The following PLBD2 variants were observed in gnomAD, a reference collection of about 807,000 sequenced individuals.
The protein encoded by PLBD2 is phospholipase B domain containing 2.
In PLBD2, 51 loss-of-function variants were observed where a neutral mutation model predicts 68.3. That is an observed-to-expected ratio of 0.75 (90% CI 0.60 to 0.94). The LOEUF is 0.94. Ranked by LOEUF, PLBD2 falls within the 40% of genes least tolerant of loss-of-function variation. PLBD2 has a pLI of 0.00. For missense variants in PLBD2, 729 were observed against 792.2 expected (o/e 0.92, Z 0.96); for synonymous variants, 314 against 339.3 (o/e 0.93, Z 0.82).
At chr12:113,380,657 C>A in intron 5 of PLBD2, 88 bp from the exon 6 acceptor site, 3 of 1,059,896 alleles carry the variant, frequency 2.8e-6, no homozygotes, top group Non-Finnish European at 4.2e-6. Context: ...CTGCCTGTGC[C>A]CCTGTGCCTG....
chr12:113,363,427 T>A (rs1404642144), intron 1 of PLBD2, among the ~76,000 whole-genome samples: 4 of 151,504 alleles, frequency 2.6e-5, no homozygotes, highest in African/African-American at 7.3e-5. Context: ...TGAGACCCTA[T>A]CTCAAACAAA....
chr12:113,362,479 C>T (rs1398466378), intron 1 of PLBD2, among the ~76,000 whole-genome samples: 1 of 151,752 alleles, frequency 6.6e-6, no homozygotes, highest in Admixed American at 6.6e-5. Flanking sequence ...TATCAGTGGT[C>T]TGACTTTTTC....
chr12:113,387,945 G>A (rs1957569466), intron 11 of PLBD2, 39 bp downstream of exon 11: 1 of 1,604,142 alleles, frequency 6.2e-7, no homozygotes, highest in African/African-American at 1.3e-5. Context: ...GTGGGTGGGG[G>A]AAGTCACCAT....
At chr12:113,386,857 C>A in intron 9 of PLBD2, 80 bp from the exon 10 acceptor site, 1 of 1,532,840 alleles carries the variant, frequency 6.5e-7, no homozygotes, top group Non-Finnish European at 8.8e-7. Context: ...CCTGGTGTGA[C>A]TGCCCCTCCC....
intron 11 of PLBD2, 65 bp from the exon 12 acceptor site, chr12:113,388,394 G>A (rs1957574708): frequency 3.5e-6 from 5 of 1,439,252 alleles, no homozygotes; most frequent in Non-Finnish European, 4.6e-6. Context: ...CAGGGTGGGA[G>A]GCTGGGTGCC....
intron 3 of PLBD2, among the ~76,000 whole-genome samples, chr12:113,373,163 AAG>A (rs1320099242): frequency 6.6e-6 from 1 of 152,238 alleles, no homozygotes; most frequent in African/African-American, 2.4e-5. Flanking sequence ...CAGTATGAGA[AAG>A]AGGGGAAGGG....
rs1022773041 is a variant in PLBD2, at chr12:113,372,840, G to T, written c.543+33G>T. 2 of 1,599,678 alleles carry T rather than the reference G, an allele frequency of 1.3e-6. No homozygotes were observed. Among genetic ancestry groups the T allele is most frequent in the Admixed American group, 1.7e-5 (1 of 59,626 alleles). ...CTGCTGCCACGCTTGGTGGGAGGGG[G>T]CTTCCAGCTGGCCAGCCATCCTGTC... On this transcript the variant is annotated intron_variant, in intron 3 of 11. Coordinates refer to ENST00000280800, the MANE Select transcript of PLBD2 (RefSeq NM_173542.4). This position sits in a 1 kb window ranked among gnomAD's most constrained non-coding sequence, Gnocchi z 4.2.
At chr12:113,385,334 A>C (rs1285380242) in intron 9 of PLBD2, 51 bp downstream of exon 9, 30 of 1,514,690 alleles carry the variant, frequency 2.0e-5, no homozygotes, top group Non-Finnish European at 2.7e-5. Context: ...CATCCACCTC[A>C]CTCCTTGCCC....
rs1957608496 is a variant in PLBD2, at chr12:113,391,245, C to T, written c.*2619C>T. Reference sequence around the variant, plus strand: ...GCTTGGAGAGAGGAAAGCACACAGCCCTGGAGTCAGAGACCTGGGTTTCAA... The same window carrying T: ...GCTTGGAGAGAGGAAAGCACACAGCTCTGGAGTCAGAGACCTGGGTTTCAA... On this transcript the variant is annotated 3_prime_UTR_variant, in exon 12 of 12. Coordinates refer to ENST00000280800, the MANE Select transcript of PLBD2 (RefSeq NM_173542.4). 1 of 152,148 alleles carries T rather than the reference C, an allele frequency of 6.6e-6. No homozygotes were observed. The highest frequency in any genetic ancestry group is 2.1e-4 in the South Asian group (1 of 4,828). The allele number at this position is 152,148 out of a possible 1,614,324, so 9.4% of individuals were successfully genotyped here. A position where few individuals can be genotyped will look rare whatever the true frequency, so the allele number is the denominator to read the frequency against.
chr12:113,374,054 T>C (rs1957414551), intron 3 of PLBD2, among the ~76,000 whole-genome samples: 1 of 152,092 alleles, frequency 6.6e-6, no homozygotes, highest in African/African-American at 2.4e-5. Context: ...GATGATACTT[T>C]ATGGCTATAG....
rs1458882582 is a variant in PLBD2, at chr12:113,384,186, G to C, written c.1039G>C (p.Val347Leu). The change falls in exon 7 of 12, where the codon GTA becomes CTA. Residue 347 changes from valine (V) to leucine (L), a missense_variant. By Grantham distance (32) the Val-to-Leu change is conservative. Transcript: ENST00000280800. The surrounding 1 kb of genome is among the most constrained non-coding windows in gnomAD (Gnocchi z 4.2). ...GCCCAGGGGCTGTGTGCTGGAGTGG[G>C]TACGCAACATCGTGGCCAACCGCCT... ...VRPRGCVLEW[V>L]RNIVANRLAS... 1 of 1,613,842 alleles carries C rather than the reference G, an allele frequency of 6.2e-7. No homozygotes were observed. The highest frequency in any genetic ancestry group is 8.5e-7 in the Non-Finnish European group (1 of 1,179,976).
Position 113,384,344 on chromosome 12 carries a change from G to A in PLBD2, c.1118+79G>A. The A allele has an allele frequency of 1.3e-6, 2 of 1,503,032 alleles. No homozygotes were observed. The highest frequency in any genetic ancestry group is 1.8e-6 in the Non-Finnish European group (2 of 1,116,694). The allele number at this position is 1,503,032 out of a possible 1,614,324, so 93.1% of individuals were successfully genotyped here. ...TCCCCTTTAACACTCACACTCCTGG[G>A]GACCAGATGTGGCATCCGGGCCACA... is the stretch of plus-strand genomic sequence containing the variant. On this transcript the variant is annotated intron_variant, in intron 7 of 11. Transcript: ENST00000280800. The surrounding 1 kb of genome is among the most constrained non-coding windows in gnomAD (Gnocchi z 4.2).
chr12:113,370,759 C>T (rs546266564), intron 2 of PLBD2, among the ~76,000 whole-genome samples: 116 of 152,248 alleles, frequency 7.6e-4, no homozygotes, highest in Admixed American at 2.4e-3. Context: ...ATTACAGGTA[C>T]GAGCCACCTG....
Position 113,369,222 on chromosome 12 carries a change from G to T in PLBD2, c.384+13G>T. On this transcript the variant is annotated intron_variant, in intron 2 of 11. Transcript: ENST00000280800. ...TGTGTCGGAGGAGGTAAGGGCCAAGGTGGGGACATGGGGCTCCCACCCTGC... is the reference window on the plus strand; with the variant it reads ...TGTGTCGGAGGAGGTAAGGGCCAAGTTGGGGACATGGGGCTCCCACCCTGC... The T allele has an allele frequency of 1.3e-6, 2 of 1,582,836 alleles. No individual in the cohort carries two copies. The highest frequency in any genetic ancestry group is 2.3e-5 in the East Asian group (1 of 43,750).
At chr12:113,363,884 C>T (rs879284391) in intron 1 of PLBD2, among the ~76,000 whole-genome samples, 22 of 152,178 alleles carry the variant, frequency 1.4e-4, no homozygotes, top group Admixed American at 2.0e-4. Context: ...AGGCCTAAAC[C>T]TTCTTGCATA....
chr12:113,384,191 C>T lies in PLBD2; in HGVS notation c.1044C>T (p.Arg348=). ...GGGGCTGTGTGCTGGAGTGGGTACG[C>T]AACATCGTGGCCAACCGCCTGGCCT... The part of the protein sequence containing the change: ...RPRGCVLEWV[R]NIVANRLASD... The change falls in exon 7 of 12, where the codon CGC becomes CGT. Residue 348 remains arginine (R), a synonymous_variant. Transcript: ENST00000280800. The surrounding 1 kb of genome is among the most constrained non-coding windows in gnomAD (Gnocchi z 4.2). 1 of 1,613,904 alleles carries T rather than the reference C, an allele frequency of 6.2e-7. No individual in the cohort carries two copies. The highest frequency in any genetic ancestry group is 8.5e-7 in the Non-Finnish European group (1 of 1,179,954).
intron 3 of PLBD2, among the ~76,000 whole-genome samples, chr12:113,373,624 C>T (rs762004521): frequency 1.3e-5 from 2 of 151,672 alleles, no homozygotes; most frequent in Non-Finnish European, 2.9e-5. Context: ...ACCCACTCAC[C>T]CATCTACCTA....
rs1406101136 is a variant in PLBD2, at chr12:113,391,504, A to G, written c.*2878A>G. 6.6e-6 allele frequency: 1 copy of G among 152,244 alleles called. No individual in the cohort carries two copies. Among genetic ancestry groups the G allele is most frequent in the Non-Finnish European group, 1.5e-5 (1 of 68,046 alleles). 9.4% of individuals were successfully genotyped at this position (152,244 alleles called of 1,614,324 possible). ...ACTTTATAACAAAAGGGACAGAAGC[A>G]TTCCTGCTCTTGTGAAGTTTACATT... On this transcript the variant is annotated 3_prime_UTR_variant, in exon 12 of 12. Transcript: ENST00000280800.
At position 113,372,820 on chromosome 12, in the gene PLBD2, G is replaced by C. The variant is rs1361705873; in HGVS notation, c.543+13G>C. The C allele has an allele frequency of 6.2e-7, 1 of 1,608,422 alleles. No homozygotes were observed. The highest frequency in any genetic ancestry group is 1.3e-5 in the African/African-American group (1 of 74,872). ...TTACTGGCACCAGGTGAGTCCTGCT[G>C]CCACGCTTGGTGGGAGGGGGCTTCC... is the stretch of plus-strand genomic sequence containing the variant. On this transcript the variant is annotated intron_variant, in intron 3 of 11. Coordinates refer to ENST00000280800, the MANE Select transcript of PLBD2 (RefSeq NM_173542.4). This position sits in a 1 kb window ranked among gnomAD's most constrained non-coding sequence, Gnocchi z 4.2.
Sources: gnomAD v4.1 joint callset for allele counts (sites outside exome capture counted in the v4.1 genomes callset) on GRCh38, gnomAD v4.1.1 for gene constraint, Gnocchi (gnomAD v3.1) non-coding constraint, MANE v1.5 for transcripts, NCBI Gene and HGNC (gene_info 2026-07-23, HGNC 2026-07-21) for gene names.